The following LYPLA1 variants were observed in gnomAD, a reference collection of about 807,000 sequenced individuals.
LYPLA1 encodes acyl-protein thioesterase 1.
Under a neutral mutation model 34.0 loss-of-function variants are expected in LYPLA1, and 17 were observed. That is an observed-to-expected ratio of 0.50 (90% CI 0.34 to 0.75). The LOEUF is 0.75. Among genes scored for constraint, LYPLA1 ranks in the 30% least tolerant of loss-of-function variants. LYPLA1 has a pLI of 0.01. For synonymous variants in LYPLA1, 98 were observed against 100.8 expected (o/e 0.97, Z 0.17); for missense variants, 203 against 288.8 (o/e 0.70, Z 2.15).
chr8:54,076,070 C>A (rs1245257866), intron 2 of LYPLA1, among the ~76,000 whole-genome samples: 1 of 152,098 alleles, frequency 6.6e-6, no homozygotes, highest in African/African-American at 2.4e-5. Context: ...TCTGGAACCA[C>A]AGCAGTATAG....
At chr8:54,054,438 AT>A (rs1463879538) in intron 6 of LYPLA1, 3 of 152,320 alleles carry the variant, frequency 2.0e-5, no homozygotes, top group African/African-American at 7.2e-5. Flanking sequence ...TAATTTCAGA[AT>A]TCTGACATCT....
chr8:54,052,147 G>T (rs547170636), intron 7 of LYPLA1, among the ~76,000 whole-genome samples: 1 of 152,022 alleles, frequency 6.6e-6, no homozygotes, highest in East Asian at 1.9e-4. Context: ...CACCGCACCT[G>T]GTCTAAAAAT....
chr8:54,080,086 CTT>C (rs1407267890), intron 2 of LYPLA1, among the ~76,000 whole-genome samples: 5 of 152,086 alleles, frequency 3.3e-5, no homozygotes, highest in African/African-American at 1.2e-4. Context: ...AAAAATCACA[CTT>C]ATAAAATAAT....
rs139201122 is a variant in LYPLA1 at position 54,085,909 on chromosome 8, C to T, written c.101+14999G>A. Among the ~76,000 whole-genome samples, 748 of 151,988 alleles carry T rather than the reference C, an allele frequency of 4.9e-3. 3 individuals are homozygous for T. The highest frequency in any genetic ancestry group is 8.2e-3 in the Non-Finnish European group (555 of 67,928). On this transcript the variant is annotated intron_variant, in intron 2 of 8. Transcript: ENST00000316963. ...CTGGGAAGTGAGGAGCCCCTCTGCC[C>T]GGCCTCCACCCTGTCTGGGAGGTGT...
At chr8:54,086,466 ATCCTTCTCCTCATCCCCCCCGCCC>A (rs1808782665) in intron 2 of LYPLA1, among the ~76,000 whole-genome samples, 1 of 133,408 alleles carries the variant, frequency 7.5e-6, no homozygotes, top group Non-Finnish European at 1.5e-5. Flanking sequence ...AAAAAAAAGA[ATCCTTCTCCTCATCCCCCCCGCCC>A]AAAAAAAGGA....
chr8:54,053,078 C>G (rs28397021), intron 6 of LYPLA1: 22,310 of 245,426 alleles, frequency 0.091, 3,661 homozygotes, highest in African/African-American at 0.4. Context: ...ATCCAATCTG[C>G]TCTTAAATTG....
At chr8:54,054,129 T>G (rs1353035421) in intron 6 of LYPLA1, among the ~76,000 whole-genome samples, 1 of 152,074 alleles carries the variant, frequency 6.6e-6, no homozygotes, top group Non-Finnish European at 1.5e-5. Context: ...TACAGAGGCG[T>G]GCACCACTAT....
intron 2 of LYPLA1, among the ~76,000 whole-genome samples, chr8:54,099,844 C>T (rs375270937): frequency 6.6e-6 from 1 of 151,932 alleles, no homozygotes; most frequent in Non-Finnish European, 1.5e-5. Flanking sequence ...CCACCACACC[C>T]GGGTAATTTT....
chr8:54,065,968 G>A (rs538138015), intron 2 of LYPLA1, among the ~76,000 whole-genome samples, 155 bp from the exon 3 acceptor site: 106 of 152,046 alleles, frequency 7.0e-4, no homozygotes, highest in South Asian at 3.5e-3. Flanking sequence ...ATGGCGTCTC[G>A]CTCTGTCGCC....
At position 54,101,293 on chromosome 8, in the gene LYPLA1, G is replaced by A. The variant is rs1259134827; in HGVS notation, c.70-354C>T. 63 of 1,045,440 alleles carry A rather than the reference G, an allele frequency of 6.0e-5. No individual in the cohort carries two copies. The South Asian group carries it at 2.4e-3, about 40-fold the overall frequency. The allele number at this position is 1,045,440 out of a possible 1,614,324, so 64.8% of individuals were successfully genotyped here. ...TCCACTGCAAAAGCAAGCTTCCGGA[G>A]GCAAAAATAAGTTTGACTTTTCATA... On this transcript the variant is annotated intron_variant, in intron 1 of 8. Transcript: ENST00000316963.
At chr8:54,079,699 G>A (rs1381609458) in intron 2 of LYPLA1, among the ~76,000 whole-genome samples, 1 of 152,124 alleles carries the variant, frequency 6.6e-6, no homozygotes, top group African/African-American at 2.4e-5. Flanking sequence ...GGAGACTGAG[G>A]TGGGAGGATC....
intron 2 of LYPLA1, among the ~76,000 whole-genome samples, chr8:54,069,940 G>C (rs900512078): frequency 2.0e-5 from 3 of 152,170 alleles, no homozygotes; most frequent in Non-Finnish European, 1.5e-5. Flanking sequence ...ACCACTGTGA[G>C]ATACCACTTC....
intron 2 of LYPLA1, among the ~76,000 whole-genome samples, chr8:54,097,827 A>G (rs1809807958): frequency 6.6e-6 from 1 of 152,224 alleles, no homozygotes; most frequent in Non-Finnish European, 1.5e-5. Context: ...TAAATTAGAC[A>G]TAGGAAGAGA....
intron 2 of LYPLA1, among the ~76,000 whole-genome samples, chr8:54,098,566 A>C (rs1328534283): frequency 1.3e-5 from 2 of 152,200 alleles, no homozygotes. Flanking sequence ...CTGTAATCTC[A>C]GCTACGCCGG....
downstream of LYPLA1, among the ~76,000 whole-genome samples, chr8:54,044,554 G>A (rs1007512915): frequency 3.9e-5 from 6 of 151,962 alleles, no homozygotes; most frequent in African/African-American, 1.2e-4. Flanking sequence ...AAACAGGCAA[G>A]TTTCCCTCCA....
intron 5 of LYPLA1, among the ~76,000 whole-genome samples, 176 bp from the exon 6 acceptor site, chr8:54,055,309 C>G (rs78277505): frequency 6.6e-6 from 1 of 151,914 alleles, no homozygotes; most frequent in African/African-American, 2.4e-5. Flanking sequence ...CATATGCCAA[C>G]GGAGAACAAC....
intron 7 of LYPLA1, among the ~76,000 whole-genome samples, chr8:54,051,500 T>G (rs1195808691): frequency 6.6e-6 from 1 of 152,154 alleles, no homozygotes; most frequent in Non-Finnish European, 1.5e-5. Flanking sequence ...CAGGCTGGAG[T>G]GCAGTGGCGT....
Position 54,089,158 on chromosome 8 carries a change from TAAAC to T in LYPLA1, c.101+11746_101+11749del, listed in dbSNP as rs764015293. Among the ~76,000 whole-genome samples, 121 of 152,294 alleles carry T rather than the reference TAAAC, an allele frequency of 7.9e-4. 1 individual carries two copies. The highest frequency in any genetic ancestry group is 2.3e-3 in the South Asian group (11 of 4,828). On this transcript the variant is annotated intron_variant, in intron 2 of 8. Transcript: ENST00000316963. ...GGTAATAGTTGAACAACTCTGTAAA[TAAAC>T]TAACTACTGAACTGTATACTTTAAA...
intron 2 of LYPLA1, among the ~76,000 whole-genome samples, chr8:54,072,526 A>C (rs1197920830): frequency 6.6e-6 from 1 of 152,314 alleles, no homozygotes; most frequent in East Asian, 1.9e-4. Context: ...AAGGAACTTA[A>C]ATTTACAAGT....
Sources: allele counts gnomAD v4.1 joint callset (sites outside exome capture counted in the v4.1 genomes callset), GRCh38; gene constraint gnomAD v4.1.1; transcripts MANE v1.5; gene names NCBI Gene and HGNC (gene_info 2026-07-23, HGNC 2026-07-21).